CRLF3: variants seen among roughly 807,000 people sequenced by gnomAD.
CRLF3 encodes the protein cytokine receptor like factor 3.
CRLF3 carries 33 observed loss-of-function variants against 55.0 expected under a neutral mutation model. That is an observed-to-expected ratio of 0.60 (90% CI 0.46 to 0.80). The LOEUF (loss-of-function observed/expected upper bound fraction) is 0.80. Ranked by LOEUF, CRLF3 falls within the 30% of genes least tolerant of loss-of-function variation. CRLF3 has a pLI of 0.00. For synonymous variants in CRLF3, 238 were observed against 196.8 expected (o/e 1.21, Z -1.75); for missense variants, 494 against 538.4 (o/e 0.92, Z 0.82).
At chr17:30,806,741 C>G (rs961657971) in intron 1 of CRLF3, among the ~76,000 whole-genome samples, 6 of 152,146 alleles carry the variant, frequency 3.9e-5, no homozygotes, top group African/African-American at 1.4e-4. Context: ...TCAGGTGATC[C>G]TCCTGCCTCA....
At chr17:30,794,880 G>C (rs1971886038) in intron 4 of CRLF3, among the ~76,000 whole-genome samples, 1 of 152,068 alleles carries the variant, frequency 6.6e-6, no homozygotes, top group Non-Finnish European at 1.5e-5. Flanking sequence ...GTCAAGATAT[G>C]GAATAACAGA....
intron 6 of CRLF3, among the ~76,000 whole-genome samples, chr17:30,789,735 C>T (rs1421781103): frequency 6.6e-6 from 1 of 152,100 alleles, no homozygotes; most frequent in African/African-American, 2.4e-5. Flanking sequence ...ATACTTAAGA[C>T]AGTACATGGC....
intron 1 of CRLF3, among the ~76,000 whole-genome samples, chr17:30,817,610 C>A (rs2142274109): frequency 6.6e-6 from 1 of 151,902 alleles, no homozygotes; most frequent in Non-Finnish European, 1.5e-5. Context: ...AAAGATACAT[C>A]AAAATGTTAA....
chr17:30,797,513 G>A, intron 2 of CRLF3, 115 bp from the exon 3 acceptor site: 1 of 770,280 alleles, frequency 1.3e-6, no homozygotes, highest in Non-Finnish European at 2.2e-6. Flanking sequence ...CTTAAGTGAT[G>A]CCACAGTCAA....
At chr17:30,812,144 A>T (rs1432531814) in intron 1 of CRLF3, among the ~76,000 whole-genome samples, 1 of 152,122 alleles carries the variant, frequency 6.6e-6, no homozygotes, top group East Asian at 1.9e-4. Context: ...AAATAAAGAC[A>T]AAGATAAAAA....
In CRLF3 at chr17:30,796,288, A is replaced by G; in HGVS notation, c.475T>C (p.Leu159=). The change falls in exon 4 of 8, where the codon TTG becomes CTG. Residue 159 remains leucine, a synonymous_variant. Transcript: ENST00000324238. ...ACTATGTTAAGAATTGAGTCATCCA[A>G]CTGAGCAGATAAACAAGGCACATCA... The part of the protein sequence containing the change: ...LVDVPCLSAQ[L]DDSILNIVKD... 1 of 1,614,138 alleles carries G rather than the reference A, an allele frequency of 6.2e-7. No individual in the cohort carries two copies. Among genetic ancestry groups the G allele is most frequent in the Non-Finnish European group, 8.5e-7 (1 of 1,180,002 alleles).
At chr17:30,804,331 T>G (rs1298306111) in intron 1 of CRLF3, among the ~76,000 whole-genome samples, 1 of 152,230 alleles carries the variant, frequency 6.6e-6, no homozygotes, top group African/African-American at 2.4e-5. Context: ...CTTCACATGG[T>G]TACCTCTGTG....
chr17:30,819,646 T>C (rs1196981137), intron 1 of CRLF3, among the ~76,000 whole-genome samples: 2 of 152,120 alleles, frequency 1.3e-5, no homozygotes, highest in Non-Finnish European at 2.9e-5. Context: ...CCTGGCTAAT[T>C]TGTATTTTTT....
rs146610533 is a variant in CRLF3, at chr17:30,807,364, A to C, written c.130-3256T>G. 8.7e-3 allele frequency among the ~76,000 whole-genome samples: 1,326 copies of C among 152,024 alleles called. 17 individuals are homozygous for C. Among genetic ancestry groups the C allele is most frequent in the African/African-American group, 0.03 (1,247 of 41,472 alleles). ...TAAAAACTTTCTATTTATTCTCTAA[A>C]TTCTCTCTAAATTTAAAAAGCAGAA... On this transcript the variant is annotated intron_variant, in intron 1 of 7. Coordinates refer to ENST00000324238, the MANE Select transcript of CRLF3 (RefSeq NM_015986.4).
At chr17:30,802,785 A>G (rs1359392377) in intron 2 of CRLF3, among the ~76,000 whole-genome samples, 1 of 152,202 alleles carries the variant, frequency 6.6e-6, no homozygotes. Flanking sequence ...TAATGAAGAA[A>G]GGAAGGCAGC....
chr17:30,789,974 T>C (rs1318833917), intron 6 of CRLF3, among the ~76,000 whole-genome samples: 1 of 152,028 alleles, frequency 6.6e-6, no homozygotes, highest in Non-Finnish European at 1.5e-5. Flanking sequence ...AATAGTTAAA[T>C]AGATTTTAGG....
intron 1 of CRLF3, among the ~76,000 whole-genome samples, chr17:30,809,245 C>A (rs1904534232): frequency 6.6e-6 from 1 of 152,152 alleles, no homozygotes. Flanking sequence ...CCAAATTCAC[C>A]TCCTGTACTC....
At position 30,782,969 on chromosome 17, in the gene CRLF3, T is replaced by TAAGGAA. The variant is rs1971530370; in HGVS notation, c.*1217_*1218insTTCCTT. On this transcript the variant is annotated 3_prime_UTR_variant, in exon 8 of 8. Coordinates refer to ENST00000324238, the MANE Select transcript of CRLF3 (RefSeq NM_015986.4). Reference sequence around the variant, plus strand: ...AGGGTGGCATAGAAGACAATTATTTTTACATATTAAAGTCCTTCAAATAAA... The same window carrying TAAGGAA: ...AGGGTGGCATAGAAGACAATTATTTTAAGGAATACATATTAAAGTCCTTCAAATAAA... The TAAGGAA allele has an allele frequency of 6.6e-6, 1 of 152,186 alleles. No individual in the cohort carries two copies. The highest frequency in any genetic ancestry group is 1.5e-5 in the Non-Finnish European group (1 of 68,036). 9.4% of individuals were successfully genotyped at this position (152,186 alleles called of 1,614,324 possible).
intron 3 of CRLF3, among the ~76,000 whole-genome samples, chr17:30,796,538 TA>T (rs67628269): frequency 0.024 from 3,614 of 152,274 alleles, 140 homozygotes; most frequent in African/African-American, 0.079. Flanking sequence ...GGTAGGATCA[TA>T]ACTGTCCAGT....
intron 1 of CRLF3, among the ~76,000 whole-genome samples, chr17:30,814,112 C>G (rs561739422): frequency 2.6e-5 from 4 of 151,986 alleles, no homozygotes; most frequent in Non-Finnish European, 5.9e-5. Flanking sequence ...CTAAAATTAG[C>G]TGGCCTTGGT....
At chr17:30,793,861 AAG>A (rs1692510320) in intron 4 of CRLF3, among the ~76,000 whole-genome samples, 189 bp from the exon 5 acceptor site, 1 of 151,344 alleles carries the variant, frequency 6.6e-6, no homozygotes, top group Non-Finnish European at 1.5e-5. Flanking sequence ...TTTTTTGAGA[AAG>A]GGTCTCACTT....
At chr17:30,804,219 TA>T (rs1157212879) in intron 1 of CRLF3, 111 bp from the exon 2 acceptor site, 10 of 703,198 alleles carry the variant, frequency 1.4e-5, no homozygotes, top group African/African-American at 5.4e-5. Context: ...TTCAATTTAG[TA>T]AAAAAAAGAT....
chr17:30,784,497 G>A, intron 7 of CRLF3, 54 bp from the exon 8 acceptor site: 1 of 1,471,558 alleles, frequency 6.8e-7, no homozygotes, highest in Non-Finnish European at 9.4e-7. Context: ...TAAGAGATCT[G>A]AAATAGTTTC....
Position 30,824,562 on chromosome 17 carries a change from C to T in CRLF3, c.90G>A (p.Leu30=). 2.5e-6 allele frequency: 4 copies of T among 1,601,856 alleles called. No individual in the cohort carries two copies. The highest frequency in any genetic ancestry group is 3.4e-6 in the Non-Finnish European group (4 of 1,178,184). The change falls in exon 1 of 8, where the codon CTG becomes CTA. Residue 30 remains leucine (L), a synonymous_variant. Transcript: ENST00000324238. ...CACGCAGCCCCTCAAGCCGGTGACCCAGCTCCCGCCGGTAGCTCTGCGCTG... is the reference window on the plus strand; with the variant it reads ...CACGCAGCCCCTCAAGCCGGTGACCTAGCTCCCGCCGGTAGCTCTGCGCTG... ...VEAAQSYRRE[L]GHRLEGLREA... is the part of the protein sequence containing the mutation.
Sources: allele counts gnomAD v4.1 joint callset (sites outside exome capture counted in the v4.1 genomes callset), GRCh38; gene constraint gnomAD v4.1.1; transcripts MANE v1.5; gene names NCBI Gene and HGNC (gene_info 2026-07-23, HGNC 2026-07-21).